Variants in TPM1 observed in about 807,000 individuals in gnomAD.
TPM1 encodes the protein tropomyosin alpha-1 chain.
In TPM1, 24 loss-of-function variants were observed where a neutral mutation model predicts 42.9. The observed-to-expected ratio is 0.56, with a 90% CI of 0.41 to 0.79. TPM1 has a LOEUF of 0.79. Ranked by LOEUF, TPM1 falls within the 30% of genes least tolerant of loss-of-function variation. TPM1 has a pLI of 0.00. For synonymous variants in TPM1, 136 were observed against 130.1 expected (o/e 1.05, Z -0.31); for missense variants, 158 against 351.8 (o/e 0.45, Z 4.41).
At chr15:63,062,936 T>A in intron 8 of TPM1, 1 of 1,444,224 alleles carries the variant, frequency 6.9e-7, no homozygotes, top group South Asian at 1.5e-5. Context: ...AGGTGCTTAT[T>A]GGTGAGAATG....
chr15:63,063,801 C>G (rs777889113), intron 8 of TPM1: 12 of 482,706 alleles, frequency 2.5e-5, no homozygotes, highest in Non-Finnish European at 4.1e-5. Flanking sequence ...ACTGATATAC[C>G]TACCATATTT....
rs770341251 is a variant in TPM1, at chr15:63,048,632, G to C, written c.240+4480G>C. The C allele has an allele frequency of 5.2e-6, 8 of 1,536,862 alleles. No homozygotes were observed. In the African/African-American group the frequency reaches 5.6e-5, roughly 11 times the overall value. Reference sequence around the variant, plus strand: ...GCAGGAAGATCCGGAGCCTGCAGGAGCAGGCGGACGCCGCTGAGGAGCGCG... The same window carrying C: ...GCAGGAAGATCCGGAGCCTGCAGGACCAGGCGGACGCCGCTGAGGAGCGCG... On this transcript the variant is annotated intron_variant, in intron 2 of 9. Coordinates refer to ENST00000403994, the MANE Select transcript of TPM1 (RefSeq NM_001018005.2).
chr15:63,070,692 CT>C (rs1406390803), downstream of TPM1: 4 of 1,015,006 alleles, frequency 3.9e-6, no homozygotes, highest in Non-Finnish European at 4.7e-6. Flanking sequence ...AACTCCCAGA[CT>C]TTTAACTGCC....
At chr15:63,057,396 A>G (rs2034976342) in intron 3 of TPM1, among the ~76,000 whole-genome samples, 1 of 152,242 alleles carries the variant, frequency 6.6e-6, no homozygotes, top group South Asian at 2.1e-4. Flanking sequence ...GGAGACAGAC[A>G]TGTAAAGGAG....
chr15:63,061,150 A>G (rs774918887), intron 5 of TPM1: 2 of 1,592,796 alleles, frequency 1.3e-6, no homozygotes, highest in South Asian at 2.2e-5. Flanking sequence ...CCTTACCTGC[A>G]CACTGATTTT....
chr15:63,043,891 T>TCTCC (rs2031800230), intron 1 of TPM1, 136 bp from the exon 2 acceptor site: 11 of 1,551,260 alleles, frequency 7.1e-6, no homozygotes, highest in Non-Finnish European at 9.6e-6. Flanking sequence ...TCTTTCTCTC[T>TCTCC]CTCCCTCCCT....
At position 63,066,028 on chromosome 15, in the gene TPM1, A is replaced by G. The variant is rs1400320446; in HGVS notation, c.*129A>G. 1 of 1,549,618 alleles carries G rather than the reference A, an allele frequency of 6.5e-7. No individual in the cohort carries two copies. Among genetic ancestry groups the G allele is most frequent in the Non-Finnish European group, 8.7e-7 (1 of 1,148,378 alleles). Reference sequence around the variant, plus strand: ...TTAGCATCCTGCCTTAGAGCCAGGCACACACTGTGCTTTCTATTGTACAGA... The same window carrying G: ...TTAGCATCCTGCCTTAGAGCCAGGCGCACACTGTGCTTTCTATTGTACAGA... On this transcript the variant is annotated 3_prime_UTR_variant, in exon 10 of 10. Transcript: ENST00000403994.
intron 3 of TPM1, among the ~76,000 whole-genome samples, chr15:63,057,794 G>A (rs2035033421): frequency 6.6e-6 from 1 of 152,232 alleles, no homozygotes; most frequent in African/African-American, 2.4e-5. Flanking sequence ...GGTCTAAAAG[G>A]CATTTTCCCT....
At position 63,061,779 on chromosome 15, in the gene TPM1, G is replaced by T. The variant is rs761816813; in HGVS notation, c.630G>T (p.Gln210His). 9 of 1,614,048 alleles carry T rather than the reference G, an allele frequency of 5.6e-6. No homozygotes were observed. The highest frequency in any genetic ancestry group is 1.3e-5 in the African/African-American group (1 of 74,920). Residue 210 changes from glutamine to histidine, a missense_variant, in exon 6 of 10, where the codon CAG becomes CAT. Physicochemically the swap from Gln to His is conservative, Grantham distance 24. Around this residue, in one of 4 missense-constraint regions of TPM1, gnomAD observed 64 missense variants for 95.8 expected, o/e 0.67. Transcript: ENST00000403994. ...ACAACTTGAAGTCACTGGAGGCTCA[G>T]GCTGAGAAGGTAGGCCAGGAGGATG... ...VTNNLKSLEAQAEKYSQKEDR... is the reference protein window; with the variant it reads ...VTNNLKSLEAHAEKYSQKEDR...
intron 2 of TPM1, among the ~76,000 whole-genome samples, chr15:63,052,602 G>C (rs1180215700): frequency 6.6e-6 from 1 of 152,074 alleles, no homozygotes; most frequent in Admixed American, 6.5e-5. Flanking sequence ...TTTGTGTCTG[G>C]GGTCTTGACC....
At chr15:63,043,756 C>T in intron 1 of TPM1, 1 of 1,549,734 alleles carries the variant, frequency 6.5e-7, no homozygotes, top group Non-Finnish European at 8.7e-7. Flanking sequence ...TGTCGGAGGA[C>T]GAGCGGGACC....
At chr15:63,065,451 A>G (rs1445446867) in intron 9 of TPM1, 23 of 985,378 alleles carry the variant, frequency 2.3e-5, no homozygotes, top group Non-Finnish European at 2.5e-5. Flanking sequence ...CACAGTCAAC[A>G]AAAAAGCCTC....
At chr15:63,048,322 GC>G in intron 2 of TPM1, 1 of 977,792 alleles carries the variant, frequency 1.0e-6, no homozygotes, top group South Asian at 1.5e-5. Context: ...CATGCGCAGT[GC>G]CCCCAGCCAG....
intron 2 of TPM1, among the ~76,000 whole-genome samples, chr15:63,050,538 C>T (rs1319249895): frequency 6.6e-6 from 1 of 152,200 alleles, no homozygotes; most frequent in Non-Finnish European, 1.5e-5. Flanking sequence ...TTTTGCACGT[C>T]GTTTTTATAA....
intron 3 of TPM1, among the ~76,000 whole-genome samples, chr15:63,058,569 C>A: frequency 6.6e-6 from 1 of 152,010 alleles, no homozygotes; most frequent in Admixed American, 6.6e-5. Flanking sequence ...CTTAGCCAGG[C>A]GTGGTGGTGC....
chr15:63,043,673 C>T, intron 1 of TPM1: 1 of 1,539,148 alleles, frequency 6.5e-7, no homozygotes. Flanking sequence ...CGGTCCGTGC[C>T]GGCCGCCCGC....
exon 9 of TPM1, chr15:63,071,510 AAC>A (rs1165735868): frequency 5.6e-6 from 2 of 360,114 alleles, no homozygotes; most frequent in Non-Finnish European, 1.1e-5. Flanking sequence ...TAATGTTGGA[AAC>A]ACAATCAGGT....
chr15:63,071,395 TTTGTAGA>T (rs1393825106), exon 9 of TPM1: 2 of 497,796 alleles, frequency 4.0e-6, no homozygotes, highest in African/African-American at 3.9e-5. Context: ...GCTGCCACAC[TTTGTAGA>T]GAGTTTAGCA....
downstream of TPM1, among the ~76,000 whole-genome samples, chr15:63,068,908 G>A (rs566884211): frequency 1.4e-3 from 206 of 152,264 alleles, no homozygotes; most frequent in African/African-American, 4.7e-3. Context: ...CAGCACTTCG[G>A]GAGGCTGAGG....
Sources: allele counts gnomAD v4.1 joint callset (sites outside exome capture counted in the v4.1 genomes callset), GRCh38; gene constraint gnomAD v4.1.1; regional missense constraint gnomAD v4.1.1; transcripts MANE v1.5; gene names NCBI Gene and HGNC (gene_info 2026-07-23, HGNC 2026-07-21).